SRGAP2: variants seen among roughly 807,000 people sequenced by gnomAD.
The protein encoded by SRGAP2 is SLIT-ROBO Rho GTPase activating protein 2, also known as SLIT-ROBO Rho GTPase-activating protein 2.
In SRGAP2, 15 loss-of-function variants were observed where a neutral mutation model predicts 57.2. That is an observed-to-expected ratio of 0.26 (90% CI 0.18 to 0.40). The LOEUF is 0.40. Among genes scored for constraint, SRGAP2 ranks in the 10% least tolerant of loss-of-function variants. SRGAP2 has a pLI of 1.00. For synonymous variants in SRGAP2, 249 were observed against 248.0 expected, an observed-to-expected ratio of 1.00 and a Z score of -0.04; for missense variants, 520 against 669.6, an observed-to-expected ratio of 0.78 and a Z score of 2.47.
At chr1:206,450,721 C>T (rs962060553) in intron 19 of SRGAP2, among the ~76,000 whole-genome samples, 2 of 152,220 alleles carry the variant, frequency 1.3e-5, no homozygotes, top group South Asian at 4.1e-4. Context: ...CACCTCCCAG[C>T]TCCTTGTCTG....
chr1:206,310,969 A>T (rs1672599148), intron 3 of SRGAP2, among the ~76,000 whole-genome samples: 1 of 149,170 alleles, frequency 6.7e-6, no homozygotes, highest in Non-Finnish European at 1.5e-5. Flanking sequence ...TTCTTATTCC[A>T]TCCCGAGAGT....
chr1:206,413,870 C>G (rs1659434208), intron 10 of SRGAP2, among the ~76,000 whole-genome samples: 1 of 152,096 alleles, frequency 6.6e-6, no homozygotes, highest in Admixed American at 6.5e-5. Flanking sequence ...TCTGGGTGAA[C>G]ATGGGAGGGC....
At chr1:206,428,500 C>G (rs1405211008) in intron 13 of SRGAP2, among the ~76,000 whole-genome samples, 4 of 151,082 alleles carry the variant, frequency 2.6e-5, no homozygotes, top group Non-Finnish European at 4.4e-5. Context: ...TTGGTATGCA[C>G]ACCTGGCAAT....
In SRGAP2 at chr1:206,461,097, A is replaced by T. The variant is rs782241683; in HGVS notation, c.2893A>T (p.Ser965Cys). Reference sequence around the variant, plus strand: ...GCTACGGGAACTAGAACGGCAGAGCAGTGTCAAACACACCCCTGACGTGGT... The same window carrying T: ...GCTACGGGAACTAGAACGGCAGAGCTGTGTCAAACACACCCCTGACGTGGT... ...NELRELERQSSVKHTPDVVLD... is the reference protein window; with the variant it reads ...NELRELERQSCVKHTPDVVLD... Residue 965 changes from serine to cysteine, a missense_variant, in exon 23 of 23, where the codon AGT becomes TGT. Coordinates refer to ENST00000573034, the MANE Select transcript of SRGAP2 (RefSeq NM_015326.5). 9.1e-6 allele frequency: 7 copies of T among 769,832 alleles called. No individual in the cohort carries two copies. Among genetic ancestry groups the T allele is most frequent in the South Asian group, 6.8e-5 (5 of 73,898 alleles). The allele number at this position is 769,832 out of a possible 1,614,324, so 47.7% of individuals were successfully genotyped here. A position where few individuals can be genotyped will look rare whatever the true frequency, so the allele number is the denominator to read the frequency against.
intron 2 of SRGAP2, among the ~76,000 whole-genome samples, chr1:206,213,147 C>T (rs1330219836): frequency 7.2e-5 from 11 of 152,052 alleles, no homozygotes; most frequent in South Asian, 6.2e-4. Context: ...GCTGAGATCT[C>T]GCCATTGCAC....
intron 2 of SRGAP2, among the ~76,000 whole-genome samples, chr1:206,237,154 C>T (rs562653830): frequency 1.3e-5 from 2 of 151,266 alleles, no homozygotes; most frequent in African/African-American, 4.9e-5. Flanking sequence ...CCCAGCTACT[C>T]GGGAGGCTGA....
chr1:206,239,472 T>G (rs544917103), intron 2 of SRGAP2, among the ~76,000 whole-genome samples: 1 of 152,312 alleles, frequency 6.6e-6, no homozygotes, highest in African/African-American at 2.4e-5. Context: ...TTTCTTTCTT[T>G]TTTGAGACAG....
intron 4 of SRGAP2, among the ~76,000 whole-genome samples, chr1:206,346,961 G>A (rs1675675774): frequency 6.6e-6 from 1 of 151,322 alleles, no homozygotes; most frequent in Admixed American, 6.6e-5. Context: ...GATTAAGCAG[G>A]CCAGGCACAG....
Position 206,229,617 on chromosome 1 carries a change from T to TC in SRGAP2, c.67+23582dup, listed in dbSNP as rs546172252. Among the ~76,000 whole-genome samples, 1,151 of 152,144 alleles carry TC rather than the reference T, an allele frequency of 7.6e-3. 10 individuals are homozygous for TC. Among genetic ancestry groups the TC allele is most frequent in the Non-Finnish European group, 0.012 (794 of 67,994 alleles). ...CTGCAGGATACAGGATAGTGAAGGA[T>TC]CCTTCTCTTCAACCTGAAGGACTCT... On this transcript the variant is annotated intron_variant, in intron 2 of 22. Coordinates refer to ENST00000573034, the MANE Select transcript of SRGAP2 (RefSeq NM_015326.5).
At chr1:206,272,917 A>C (rs1670209056) in intron 2 of SRGAP2, among the ~76,000 whole-genome samples, 1 of 152,148 alleles carries the variant, frequency 6.6e-6, no homozygotes. Context: ...TGCTCTGCTG[A>C]TTTTAAAAAA....
At chr1:206,286,566 G>A (rs1235076581) in intron 2 of SRGAP2, among the ~76,000 whole-genome samples, 1 of 150,680 alleles carries the variant, frequency 6.6e-6, no homozygotes, top group Non-Finnish European at 1.5e-5. Context: ...TACCATCATG[G>A]AACTTACACT....
chr1:206,379,255 CA>C (rs1238708875), intron 4 of SRGAP2, among the ~76,000 whole-genome samples: 226 of 107,528 alleles, frequency 2.1e-3, no homozygotes, highest in Non-Finnish European at 3.1e-3. Context: ...AGAGCCTCGG[CA>C]TACAGCCTCA....
chr1:206,304,431 G>A (rs1571801231), intron 3 of SRGAP2, among the ~76,000 whole-genome samples: 1 of 135,848 alleles, frequency 7.4e-6, no homozygotes, highest in Non-Finnish European at 1.5e-5. Flanking sequence ...GGTCTCCCTG[G>A]GCCACATTGG....
intron 2 of SRGAP2, among the ~76,000 whole-genome samples, chr1:206,257,337 ATTTT>A (rs1163899818): frequency 1.3e-5 from 1 of 74,544 alleles, no homozygotes; most frequent in African/African-American, 5.7e-5. Flanking sequence ...ACACACTGCT[ATTTT>A]TTTTTTTTTT....
chr1:206,291,315 CGTT>C (rs1309761881), intron 2 of SRGAP2, among the ~76,000 whole-genome samples: 4 of 152,158 alleles, frequency 2.6e-5, no homozygotes, highest in African/African-American at 9.7e-5. Flanking sequence ...AGTGGTCCCT[CGTT>C]GTGAAATGGG....
At chr1:206,325,515 T>C (rs1223068932) in intron 3 of SRGAP2, among the ~76,000 whole-genome samples, 1 of 151,474 alleles carries the variant, frequency 6.6e-6, no homozygotes, top group African/African-American at 2.4e-5. Context: ...AGCTAGTTTT[T>C]TGTATTTTTG....
intron 3 of SRGAP2, chr1:206,333,361 G>A: frequency 7.3e-7 from 1 of 1,373,234 alleles, no homozygotes; most frequent in Non-Finnish European, 1.0e-6. Flanking sequence ...GACAATCCAA[G>A]CATCCTTCTA....
At chr1:206,285,495 C>G (rs1237403153) in intron 2 of SRGAP2, among the ~76,000 whole-genome samples, 10 of 152,250 alleles carry the variant, frequency 6.6e-5, no homozygotes, top group African/African-American at 2.4e-4. Context: ...GTTGGAGGGA[C>G]AGGGACAGGA....
Position 206,454,253 on chromosome 1 carries a change from GA to G in SRGAP2, c.2361-624del. ...CAAACCTGGTGGCAATCTGTGCGTG[GA>G]CAGGACCCTCCCAAATTTAGCATTA... On this transcript the variant is annotated intron_variant, in intron 20 of 22. Coordinates refer to ENST00000573034, the MANE Select transcript of SRGAP2 (RefSeq NM_015326.5). This position sits in a 1 kb window ranked among gnomAD's most constrained non-coding sequence, Gnocchi z 4.3. 1 of 696,920 alleles carries G rather than the reference GA, an allele frequency of 1.4e-6. No homozygotes were observed. Among genetic ancestry groups the G allele is most frequent in the Non-Finnish European group, 2.6e-6 (1 of 382,014 alleles). 43.2% of individuals were successfully genotyped at this position (696,920 alleles called of 1,614,324 possible). A position where few individuals can be genotyped will look rare whatever the true frequency, so the allele number is the denominator to read the frequency against.
Sources: allele counts gnomAD v4.1 joint callset (sites outside exome capture counted in the v4.1 genomes callset), GRCh38; gene constraint gnomAD v4.1.1; non-coding constraint Gnocchi (gnomAD v3.1); transcripts MANE v1.5; gene names NCBI Gene and HGNC (gene_info 2026-07-23, HGNC 2026-07-21).